ZNF717: variants seen among roughly 807,000 people sequenced by gnomAD.
ZNF717 encodes the protein zinc finger protein 717, also known as krueppel-like factor X17.
Under a neutral mutation model 13.8 loss-of-function variants are expected in ZNF717, and 9 were observed. The ratio of observed to expected loss-of-function variants is 0.65; its 90% CI spans 0.39 to 1.14. ZNF717 has a LOEUF of 1.14. ZNF717 is among the 50% of genes most tolerant of loss of function. ZNF717 has a pLI of 0.01. For synonymous variants in ZNF717, 327 were observed against 364.1 expected, an observed-to-expected ratio of 0.90 and a Z score of 1.16; for missense variants, 1,040 against 1,080.7, an observed-to-expected ratio of 0.96 and a Z score of 0.53.
intron 2 of ZNF717, among the ~76,000 whole-genome samples, chr3:75,762,188 C>T (rs1338468596): frequency 2.6e-5 from 4 of 152,306 alleles, no homozygotes; most frequent in South Asian, 4.1e-4. Context: ...CCTGCAATCC[C>T]AGCACTATGG....
intron 6 of ZNF717, among the ~76,000 whole-genome samples, chr3:75,703,395 T>C (rs1937736489): frequency 6.6e-6 from 1 of 152,288 alleles, no homozygotes; most frequent in Admixed American, 6.5e-5. Context: ...CTGAGTGTCA[T>C]GATGCATGCC....
At chr3:75,723,847 ACT>A (rs374377960) in intron 4 of ZNF717, among the ~76,000 whole-genome samples, 1 of 151,710 alleles carries the variant, frequency 6.6e-6, no homozygotes, top group Non-Finnish European at 1.5e-5. Context: ...GTTAGAGAAG[ACT>A]CTGCTCCACC....
intron 2 of ZNF717, among the ~76,000 whole-genome samples, chr3:75,745,962 G>A (rs1941132587): frequency 6.6e-6 from 1 of 152,022 alleles, no homozygotes; most frequent in African/African-American, 2.4e-5. Flanking sequence ...CCATGTTGGT[G>A]TGCTGCACCC....
chr3:75,784,049 T>C (rs78674041), intron 1 of ZNF717, among the ~76,000 whole-genome samples: 1 of 152,136 alleles, frequency 6.6e-6, no homozygotes, highest in Non-Finnish European at 1.5e-5. Context: ...GGTTCTTGCC[T>C]TTTTGGACAC....
downstream of ZNF717, among the ~76,000 whole-genome samples, chr3:75,727,837 C>G (rs1455429988): frequency 6.6e-6 from 1 of 152,190 alleles, no homozygotes; most frequent in Admixed American, 6.5e-5. Flanking sequence ...CTTTCAAAAT[C>G]CCTAATAAAA....
downstream of ZNF717, among the ~76,000 whole-genome samples, chr3:75,705,571 A>G (rs1354833354): frequency 6.6e-6 from 1 of 152,298 alleles, no homozygotes; most frequent in Non-Finnish European, 1.5e-5. Flanking sequence ...AATTTCTTCT[A>G]GTTTTCCAGG....
chr3:75,710,954 G>A (rs1937925895), exon 6 of ZNF717: 1 of 152,154 alleles, frequency 6.6e-6, no homozygotes, highest in African/African-American at 2.4e-5. Context: ...TGAGGCCAAA[G>A]CAAGGGAGGT....
At chr3:75,707,811 A>G (rs1372722595), downstream of ZNF717, among the ~76,000 whole-genome samples, 1 of 152,222 alleles carries the variant, frequency 6.6e-6, no homozygotes, top group East Asian at 1.9e-4. Flanking sequence ...TATCCCGCAC[A>G]TGGCTCAGAG....
chr3:75,715,956 G>GT (rs1310921694), intron 5 of ZNF717, among the ~76,000 whole-genome samples: 2 of 142,280 alleles, frequency 1.4e-5, no homozygotes, highest in African/African-American at 5.3e-5. Context: ...TGCGATTCTG[G>GT]TTTTTTTTGG....
At chr3:75,750,579 T>C (rs1416622512) in intron 2 of ZNF717, among the ~76,000 whole-genome samples, 2 of 151,806 alleles carry the variant, frequency 1.3e-5, no homozygotes, top group Admixed American at 6.6e-5. Flanking sequence ...AGAACACTGC[T>C]ACGAGAGTCC....
intron 2 of ZNF717, among the ~76,000 whole-genome samples, chr3:75,780,200 C>A (rs1249265003): frequency 6.9e-6 from 1 of 145,260 alleles, no homozygotes; most frequent in Non-Finnish European, 1.5e-5. Flanking sequence ...ATGGGAGTGA[C>A]GTGCTAAAAC....
intron 2 of ZNF717, among the ~76,000 whole-genome samples, chr3:75,775,042 G>T (rs1944203920): frequency 6.6e-6 from 1 of 151,994 alleles, no homozygotes; most frequent in South Asian, 2.1e-4. Flanking sequence ...GCTCACTGAA[G>T]CCTCCACCTC....
At chr3:75,742,259 C>CTTG (rs1940565883) in intron 2 of ZNF717, among the ~76,000 whole-genome samples, 4 of 147,702 alleles carry the variant, frequency 2.7e-5, no homozygotes, top group African/African-American at 1.0e-4. Flanking sequence ...AGGAGTTTGA[C>CTTG]AGTGCAGTGA....
intron 2 of ZNF717, among the ~76,000 whole-genome samples, chr3:75,757,964 A>AT: frequency 6.6e-6 from 1 of 151,596 alleles, no homozygotes; most frequent in East Asian, 1.9e-4. Flanking sequence ...AAAAAAAAAA[A>AT]AAATTTATCT....
downstream of ZNF717, among the ~76,000 whole-genome samples, chr3:75,734,424 T>TTTTG (rs200055866): frequency 2.7e-5 from 4 of 148,256 alleles, no homozygotes; most frequent in Non-Finnish European, 5.9e-5. Flanking sequence ...GTAAAATGGG[T>TTTTG]TTTTTTTGTT....
intron 2 of ZNF717, among the ~76,000 whole-genome samples, chr3:75,770,290 G>A (rs1249766302): frequency 2.0e-5 from 3 of 152,238 alleles, no homozygotes; most frequent in Non-Finnish European, 4.4e-5. Context: ...GCCGGGCACG[G>A]TGGCTCACGC....
At position 75,753,500 on chromosome 3, in the gene ZNF717, T is replaced by C. The variant is rs186872471; in HGVS notation, c.58-11764A>G. On this transcript the variant is annotated intron_variant, in intron 2 of 4. Coordinates refer to ENST00000652011, the MANE Select transcript of ZNF717 (RefSeq NM_001290208.3). ...ACACTGCTGCTAGGGTCTGAATATC[T>C]GTCCGTTACATAGGATTCCAGAATA... is the stretch of plus-strand genomic sequence containing the variant. 3.3e-3 allele frequency among the ~76,000 whole-genome samples: 492 copies of C among 150,968 alleles called. 18 individuals are homozygous for C. The East Asian group carries it at 0.072, about 22-fold the overall frequency.
At chr3:75,758,258 A>G (rs1311473888) in intron 2 of ZNF717, among the ~76,000 whole-genome samples, 2 of 152,168 alleles carry the variant, frequency 1.3e-5, no homozygotes, top group Non-Finnish European at 2.9e-5. Flanking sequence ...AGAATCAGAG[A>G]CAGAGCCTGA....
chr3:75,739,617 C>A (rs74544354), intron 4 of ZNF717, among the ~76,000 whole-genome samples: 87 of 129,884 alleles, frequency 6.7e-4, no homozygotes, highest in African/African-American at 2.3e-3. Context: ...TAATAATATG[C>A]ATCTACTTCC....
Sources: gnomAD v4.1 joint callset for allele counts (sites outside exome capture counted in the v4.1 genomes callset) on GRCh38, gnomAD v4.1.1 for gene constraint, MANE v1.5 for transcripts, NCBI Gene and HGNC (gene_info 2026-07-23, HGNC 2026-07-21) for gene names.